Variants in TRRAP observed in about 807,000 individuals in gnomAD.
The protein encoded by TRRAP is transformation/transcription domain-associated protein.
Under a neutral mutation model 438.8 loss-of-function variants are expected in TRRAP, and 41 were observed. The observed-to-expected ratio is 0.09, with a 90% CI of 0.07 to 0.12. The LOEUF is 0.12. TRRAP is among the 10% of genes least tolerant of loss of function. The pLI is 1.00. For missense variants in TRRAP, 3,122 were observed against 5,055.1 expected (o/e 0.62, Z 11.60); for synonymous variants, 1,994 against 1,962.9 (o/e 1.02, Z -0.42).
chr7:98,990,736 A>G, intron 64 of TRRAP, 117 bp downstream of exon 64: 1 of 1,115,836 alleles, frequency 9.0e-7, no homozygotes, highest in Non-Finnish European at 1.2e-6. Context: ...CAAGTTAAAG[A>G]GATGGGAAGA....
chr7:98,983,399 G>T lies in TRRAP; in HGVS notation c.8962G>T (p.Val2988Leu). Residue 2988 changes from valine to leucine, a missense_variant, in exon 60 of 73, where the codon GTG (valine) becomes TTG (leucine). Transcript: ENST00000456197. ...VKTWRNRLPI[V>L]SDDLSHWSSI... is the part of the protein sequence containing the mutation. ...GACCTGGAGGAACCGACTGCCCATC[G>T]TGTCTGACGACTTGTCCCACTGGAG... 6.2e-7 allele frequency: 1 copy of T among 1,614,208 alleles called. No individual in the cohort carries two copies. The highest frequency in any genetic ancestry group is 8.5e-7 in the Non-Finnish European group (1 of 1,180,040).
intron 64 of TRRAP, 23 bp from the exon 65 acceptor site, chr7:98,992,114 T>C: frequency 6.2e-7 from 1 of 1,612,132 alleles, no homozygotes; most frequent in Non-Finnish European, 8.5e-7. Context: ...CAGCACTGTT[T>C]ATAACATCTT....
rs1554405645 is a variant in TRRAP, at chr7:98,895,818, G to A, written c.505G>A (p.Val169Met). The A allele has an allele frequency of 6.2e-7, 1 of 1,603,498 alleles. No homozygotes were observed. The highest frequency in any genetic ancestry group is 8.5e-7 in the Non-Finnish European group (1 of 1,175,402). The part of the protein sequence containing the change: ...KQIYKELPKV[V>M]NRYFENPQVI... Reference sequence around the variant, plus strand: ...GATTTACAAGGAGCTTCCAAAAGTAGTGGTATGTTTTTACTTTGGTTTTAA... The same window carrying A: ...GATTTACAAGGAGCTTCCAAAAGTAATGGTATGTTTTTACTTTGGTTTTAA... Residue 169 changes from valine to methionine, a missense_variant and splice_region_variant, in exon 7 of 73, where the codon GTG becomes ATG. Val to Met is a conservative substitution (Grantham distance 21). Around this residue, in one of 24 missense-constraint regions of TRRAP, gnomAD observed 343 missense variants for 564.0 expected, o/e 0.61. Transcript: ENST00000456197.
In TRRAP at chr7:98,994,306, G is replaced by A. The variant is rs1393140384; in HGVS notation, c.10048-281G>A. 1.3e-5 allele frequency among the ~76,000 whole-genome samples: 2 copies of A among 152,182 alleles called. No individual in the cohort carries two copies. Among genetic ancestry groups the A allele is most frequent in the East Asian group, 1.9e-4 (1 of 5,184 alleles). On this transcript the variant is annotated intron_variant, in intron 66 of 72. Coordinates refer to ENST00000456197, the MANE Select transcript of TRRAP (RefSeq NM_001375524.1). The surrounding 1 kb of genome is among the most constrained non-coding windows in gnomAD (Gnocchi z 4.8). ...AAATGCAGGGGTTTTGTGGCTAATC[G>A]CAGACGGGTGTATGATCCAAAAAAG...
At chr7:98,928,232 G>A (rs192058139) in intron 23 of TRRAP, among the ~76,000 whole-genome samples, 84 of 151,656 alleles carry the variant, frequency 5.5e-4, no homozygotes, top group Admixed American at 1.8e-3. Flanking sequence ...GCGAAACTCC[G>A]TCTCAAAAAG....
chr7:98,954,514 T>C (rs1016127883), intron 40 of TRRAP, among the ~76,000 whole-genome samples: 4 of 152,204 alleles, frequency 2.6e-5, no homozygotes, highest in Non-Finnish European at 4.4e-5. Context: ...GCCTCGGGGC[T>C]GCCCTGCCCT....
rs779629635 is a variant in TRRAP, at chr7:99,005,110, C to T, written c.10536-21C>T. On this transcript the variant is annotated intron_variant, in intron 68 of 72. Coordinates refer to ENST00000456197, the MANE Select transcript of TRRAP (RefSeq NM_001375524.1). The surrounding 1 kb of genome is among the most constrained non-coding windows in gnomAD (Gnocchi z 5.1). ...GTAGCAGAGATGCAGGGCATGTCCT[C>T]ATGGCTTCTCGCTCTGGCAGGTTCA... The T allele has an allele frequency of 6.2e-7, 1 of 1,611,586 alleles. No individual in the cohort carries two copies. Among genetic ancestry groups the T allele is most frequent in the South Asian group, 1.1e-5 (1 of 91,008 alleles).
chr7:98,976,734 G>A lies in TRRAP; in HGVS notation c.8211G>A (p.Glu2737=), dbSNP rs1792676696. The A allele has an allele frequency of 1.2e-6, 2 of 1,613,970 alleles. No homozygotes were observed. Among genetic ancestry groups the A allele is most frequent in the Non-Finnish European group, 8.5e-7 (1 of 1,180,024 alleles). ...SLQIKPKQTT[E]FYEQESITPP... Reference sequence around the variant, plus strand: ...AGATTAAGCCGAAGCAAACAACGGAGTTTTATGAGCAGGAGAGCATCACCC... The same window carrying A: ...AGATTAAGCCGAAGCAAACAACGGAATTTTATGAGCAGGAGAGCATCACCC... The change falls in exon 55 of 73, where the codon GAG becomes GAA. Residue 2737 remains glutamate (E), a synonymous_variant. Coordinates refer to ENST00000456197, the MANE Select transcript of TRRAP (RefSeq NM_001375524.1). The surrounding 1 kb of genome is among the most constrained non-coding windows in gnomAD (Gnocchi z 4.6).
rs1302658926 is a variant in TRRAP at position 99,011,584 on chromosome 7, A to T, written c.11337+49A>T. 4.4e-6 allele frequency: 7 copies of T among 1,579,250 alleles called. No individual in the cohort carries two copies. The highest frequency in any genetic ancestry group is 6.0e-6 in the Non-Finnish European group (7 of 1,163,650). On this transcript the variant is annotated intron_variant, in intron 72 of 72. Coordinates refer to ENST00000456197, the MANE Select transcript of TRRAP (RefSeq NM_001375524.1). This position sits in a 1 kb window ranked among gnomAD's most constrained non-coding sequence, Gnocchi z 7.1. ...ACAGGCGCAGGCTAGAGCCACTCAG[A>T]TGCCCGCGCGTCACGGCCTTGCAGG...
chr7:98,977,147 G>C, intron 56 of TRRAP, 71 bp downstream of exon 56: 1 of 1,594,132 alleles, frequency 6.3e-7, no homozygotes, highest in Non-Finnish European at 8.6e-7. Flanking sequence ...TTAATAAAAT[G>C]TCCTCAAGTC....
chr7:98,973,388 G>C (rs41646), intron 53 of TRRAP, among the ~76,000 whole-genome samples: 45,110 of 152,138 alleles, frequency 0.3, 11,152 homozygotes, highest in African/African-American at 0.68. Flanking sequence ...CAGGTGCCTG[G>C]GCCTCAGTTT....
chr7:98,923,365 A>G (rs1441018588), intron 21 of TRRAP, among the ~76,000 whole-genome samples: 1 of 152,158 alleles, frequency 6.6e-6, no homozygotes, highest in Non-Finnish European at 1.5e-5. Context: ...CTGTCAAGGC[A>G]TTCTTTCTGA....
At chr7:98,906,764 A>C (rs1466392592) in intron 13 of TRRAP, among the ~76,000 whole-genome samples, 1 of 152,122 alleles carries the variant, frequency 6.6e-6, no homozygotes, top group Non-Finnish European at 1.5e-5. Context: ...AAGCCCTTAG[A>C]TTACTTTTTG....
At chr7:98,920,700 G>T (rs1304476312) in intron 20 of TRRAP, among the ~76,000 whole-genome samples, 1 of 152,170 alleles carries the variant, frequency 6.6e-6, no homozygotes, top group Non-Finnish European at 1.5e-5. Flanking sequence ...TCTAATGTAA[G>T]ATTTGAAGTG....
chr7:98,972,753 T>TG (rs1430680276), intron 53 of TRRAP, among the ~76,000 whole-genome samples: 2 of 152,280 alleles, frequency 1.3e-5, no homozygotes, highest in Non-Finnish European at 1.5e-5. Context: ...AGGAGCTAGG[T>TG]GGGAAAAAAG....
intron 33 of TRRAP, among the ~76,000 whole-genome samples, chr7:98,947,281 A>G (rs1357409421): frequency 3.3e-5 from 5 of 152,210 alleles, no homozygotes; most frequent in African/African-American, 9.6e-5. Context: ...CATTTCACAC[A>G]TCTTTGATTT....
Position 99,000,270 on chromosome 7 carries a change from A to G in TRRAP, c.10310-3920A>G, listed in dbSNP as rs1333164751. Among the ~76,000 whole-genome samples the G allele has an allele frequency of 2.6e-5, 4 of 151,996 alleles. No homozygotes were observed. The South Asian group carries it at 8.3e-4, about 32-fold the overall frequency. On this transcript the variant is annotated intron_variant, in intron 67 of 72. Transcript: ENST00000456197. The stretch of plus-strand genomic sequence containing the variant: ...ATGATCCACCCACTTCGACCTCCCA[A>G]AGTGCTGGGATTACAGGTGTGAGTC...
At chr7:98,997,077 G>GGGC (rs1463576210) in intron 67 of TRRAP, among the ~76,000 whole-genome samples, 1 of 151,920 alleles carries the variant, frequency 6.6e-6, no homozygotes, top group East Asian at 1.9e-4. Flanking sequence ...AGGCCGAGGT[G>GGGC]GGCGGGTCAC....
chr7:98,912,115 G>A lies in TRRAP; in HGVS notation c.2101G>A (p.Gly701Ser). The A allele has an allele frequency of 6.2e-7, 1 of 1,614,088 alleles. No homozygotes were observed. Among genetic ancestry groups the A allele is most frequent in the Non-Finnish European group, 8.5e-7 (1 of 1,180,004 alleles). Residue 701 changes from glycine (G) to serine (S), a missense_variant, in exon 18 of 73, where the codon GGC (glycine) becomes AGC (serine). Physicochemically the swap from Gly to Ser is moderately conservative, Grantham distance 56. This residue lies in a region of TRRAP where 149 missense variants were observed against 302.8 expected (regional missense o/e 0.49). Coordinates refer to ENST00000456197, the MANE Select transcript of TRRAP (RefSeq NM_001375524.1). ...TCTCCTTGATCGCCTGCCAGAAATG[G>A]GCTCCAACGTGGAGCTCTCCAACCT... Reference protein sequence around the residue: ...EYLLDRLPEMGSNVELSNLYL... With the variant: ...EYLLDRLPEMSSNVELSNLYL...
Sources: allele counts gnomAD v4.1 joint callset (sites outside exome capture counted in the v4.1 genomes callset), GRCh38; gene constraint gnomAD v4.1.1; regional missense constraint gnomAD v4.1.1; non-coding constraint Gnocchi (gnomAD v3.1); transcripts MANE v1.5; gene names NCBI Gene and HGNC (gene_info 2026-07-23, HGNC 2026-07-21).